Variants in HHAT observed in about 807,000 individuals in gnomAD.
HHAT encodes protein-cysteine N-palmitoyltransferase HHAT.
In HHAT, 47 loss-of-function variants were observed where a neutral mutation model predicts 70.8. That is an observed-to-expected ratio of 0.66 (90% CI 0.53 to 0.85). HHAT has a LOEUF of 0.85. Among genes scored for constraint, HHAT ranks in the 40% least tolerant of loss-of-function variants. The pLI is 0.00. For synonymous variants in HHAT, 228 were observed against 247.6 expected (o/e 0.92, Z 0.74); for missense variants, 609 against 604.8 (o/e 1.01, Z -0.07).
chr1:210,527,085 G>A (rs963918854), intron 9 of HHAT, among the ~76,000 whole-genome samples: 7 of 152,062 alleles, frequency 4.6e-5, no homozygotes, highest in Non-Finnish European at 4.4e-5. Flanking sequence ...ATCAGGATGG[G>A]GGCTGGGTGC....
intron 9 of HHAT, among the ~76,000 whole-genome samples, chr1:210,556,814 A>C (rs1332856829): frequency 1.3e-5 from 2 of 152,236 alleles, no homozygotes; most frequent in Non-Finnish European, 2.9e-5. Flanking sequence ...CCAGCCACTC[A>C]TGAATGGGTG....
intron 7 of HHAT, among the ~76,000 whole-genome samples, chr1:210,425,148 C>T (rs1439332033): frequency 5.9e-5 from 9 of 152,132 alleles, no homozygotes; most frequent in Non-Finnish European, 4.4e-5. Flanking sequence ...ACATGTATGT[C>T]TTCTTTTGGA....
intron 11 of HHAT, among the ~76,000 whole-genome samples, chr1:210,644,940 G>A (rs147480956): frequency 0.01 from 1,545 of 152,218 alleles, 28 homozygotes; most frequent in African/African-American, 0.036. Context: ...CACTTACTGC[G>A]CATGGCCGTG....
At chr1:210,515,110 G>C (rs920547289) in intron 9 of HHAT, among the ~76,000 whole-genome samples, 2 of 152,170 alleles carry the variant, frequency 1.3e-5, no homozygotes, top group African/African-American at 4.8e-5. Flanking sequence ...GGAGGGTAAG[G>C]CTTCTCTCTA....
intron 10 of HHAT, among the ~76,000 whole-genome samples, chr1:210,606,353 T>C (rs1221459324): frequency 6.6e-6 from 1 of 152,180 alleles, no homozygotes; most frequent in African/African-American, 2.4e-5. Flanking sequence ...CTTACACAAC[T>C]GTTTCCTCCA....
intron 11 of HHAT, among the ~76,000 whole-genome samples, chr1:210,669,961 G>T (rs1679753501): frequency 6.6e-6 from 1 of 152,058 alleles, no homozygotes; most frequent in African/African-American, 2.4e-5. Flanking sequence ...ACTCCTGGTG[G>T]AGAAGGGAAA....
chr1:210,376,893 T>G (rs1406175038), intron 3 of HHAT, among the ~76,000 whole-genome samples: 1 of 152,164 alleles, frequency 6.6e-6, no homozygotes, highest in African/African-American at 2.4e-5. Flanking sequence ...AAATGTTAGT[T>G]CTCCCTTTTT....
intron 3 of HHAT, among the ~76,000 whole-genome samples, 179 bp from the exon 4 acceptor site, chr1:210,387,289 A>G (rs1036743465): frequency 2.0e-5 from 3 of 152,250 alleles, no homozygotes; most frequent in Middle Eastern, 6.8e-3. Flanking sequence ...TTTTGCCATT[A>G]CTAATAGCAA....
intron 2 of HHAT, among the ~76,000 whole-genome samples, chr1:210,362,274 T>C (rs1271510430): frequency 6.6e-6 from 1 of 152,000 alleles, no homozygotes; most frequent in Non-Finnish European, 1.5e-5. Context: ...AGATGGAGTC[T>C]TGCTCTTGTT....
intron 3 of HHAT, among the ~76,000 whole-genome samples, chr1:210,369,547 T>C (rs1333301599): frequency 6.6e-6 from 1 of 152,258 alleles, no homozygotes; most frequent in Non-Finnish European, 1.5e-5. Context: ...TTTTGACTCA[T>C]TTAACACATG....
At chr1:210,520,227 G>C (rs1271702018) in intron 9 of HHAT, among the ~76,000 whole-genome samples, 3 of 152,032 alleles carry the variant, frequency 2.0e-5, no homozygotes, top group East Asian at 3.9e-4. Flanking sequence ...GTGTTGGCCA[G>C]GCTGGTCTCG....
intron 8 of HHAT, among the ~76,000 whole-genome samples, chr1:210,493,095 T>G (rs4478810): frequency 0.81 from 122,301 of 151,600 alleles, 49,918 homozygotes; most frequent in Middle Eastern, 0.88. Flanking sequence ...TGAATATTTG[T>G]TTTCCTTTAT....
intron 9 of HHAT, among the ~76,000 whole-genome samples, chr1:210,518,030 A>G (rs58686566): frequency 0.063 from 9,640 of 152,252 alleles, 384 homozygotes; most frequent in South Asian, 0.13. Flanking sequence ...TCTATGTTGT[A>G]TAATGATCAA....
chr1:210,370,273 C>G (rs143657133), intron 3 of HHAT, among the ~76,000 whole-genome samples: 23,485 of 147,428 alleles, frequency 0.16, 2,219 homozygotes, highest in Admixed American at 0.26. Context: ...CTCCTGGGTT[C>G]AAGCGATTCT....
intron 7 of HHAT, among the ~76,000 whole-genome samples, chr1:210,442,909 G>T (rs1413631241): frequency 1.3e-5 from 2 of 151,944 alleles, no homozygotes; most frequent in Admixed American, 1.3e-4. Context: ...TGGTGTTTTA[G>T]ACATGAAGTC....
intron 7 of HHAT, among the ~76,000 whole-genome samples, chr1:210,425,089 CTAA>C (rs1431993247): frequency 1.3e-5 from 2 of 152,202 alleles, no homozygotes; most frequent in Non-Finnish European, 2.9e-5. Context: ...TTGCATTTCT[CTAA>C]TGAGCAGTGA....
chr1:210,603,153 G>C lies in HHAT; in HGVS notation c.1245+15054G>C, dbSNP rs147020867. The stretch of plus-strand genomic sequence containing the variant: ...CAGTTTCTTCTGGAGTAAGACGGGT[G>C]TCCTGCTCCAATCATCGGCTGCTAT... On this transcript the variant is annotated intron_variant, in intron 10 of 11. Transcript: ENST00000261458. Among the ~76,000 whole-genome samples, 812 of 152,262 alleles carry C rather than the reference G, an allele frequency of 5.3e-3. 8 individuals carry two copies. Among genetic ancestry groups the C allele is most frequent in the African/African-American group, 0.015 (621 of 41,538 alleles).
intron 4 of HHAT, among the ~76,000 whole-genome samples, chr1:210,396,254 C>T (rs1255770686): frequency 6.6e-6 from 1 of 152,130 alleles, no homozygotes; most frequent in Non-Finnish European, 1.5e-5. Context: ...GAATAAAGAC[C>T]ATTGAGTGAG....
At chr1:210,545,942 T>C (rs1233697309) in intron 9 of HHAT, among the ~76,000 whole-genome samples, 1 of 152,228 alleles carries the variant, frequency 6.6e-6, no homozygotes, top group Non-Finnish European at 1.5e-5. Context: ...CACCAACACT[T>C]AGCACAACAC....
Sources: gnomAD v4.1 joint callset for allele counts (sites outside exome capture counted in the v4.1 genomes callset) on GRCh38, gnomAD v4.1.1 for gene constraint, MANE v1.5 for transcripts, NCBI Gene and HGNC (gene_info 2026-07-23, HGNC 2026-07-21) for gene names.